SLC4A4: variants seen among roughly 807,000 people sequenced by gnomAD.
SLC4A4 encodes the protein solute carrier family 4 member 4, also known as electrogenic sodium bicarbonate cotransporter 1.
In SLC4A4, 27 loss-of-function variants were observed where a neutral mutation model predicts 111.5. The observed-to-expected ratio is 0.24, with a 90% CI of 0.18 to 0.33. The LOEUF (loss-of-function observed/expected upper bound fraction) is 0.33, where lower values mean the gene tolerates loss of function less well. Among genes scored for constraint, SLC4A4 ranks in the 10% least tolerant of loss-of-function variants. The pLI is 1.00. For missense variants in SLC4A4, 909 were observed against 1,315.5 expected, an observed-to-expected ratio of 0.69 and a Z score of 4.78; for synonymous variants, 443 against 463.4, an observed-to-expected ratio of 0.96 and a Z score of 0.57.
At chr4:71,548,688 G>A (rs1341291612) in intron 20 of SLC4A4, among the ~76,000 whole-genome samples, 2 of 151,616 alleles carry the variant, frequency 1.3e-5, no homozygotes, top group African/African-American at 4.8e-5. Flanking sequence ...TAATTTTAAA[G>A]GCTTTTAAAA....
intron 2 of SLC4A4, among the ~76,000 whole-genome samples, chr4:71,119,249 C>T (rs748422826): frequency 5.9e-5 from 9 of 152,192 alleles, no homozygotes; most frequent in Non-Finnish European, 1.3e-4. Flanking sequence ...AAATATATCC[C>T]ACTATTTTCT....
rs919110915 is a variant in SLC4A4 at position 71,330,788 on chromosome 4, T to A, written c.254-8582T>A. ...ACAGCAAAAGAAACTACCATCAGAG[T>A]GAACAGGCAACCTACAGAATGGGAG... On this transcript the variant is annotated intron_variant, in intron 3 of 25. Coordinates refer to ENST00000264485, the MANE Select transcript of SLC4A4 (RefSeq NM_001098484.3). Among the ~76,000 whole-genome samples the A allele has an allele frequency of 4.0e-5, 6 of 151,566 alleles. 1 individual carries two copies. The highest frequency in any genetic ancestry group is 3.9e-4 in the Admixed American group (6 of 15,250).
chr4:71,527,403 G>C (rs117642717), intron 16 of SLC4A4, among the ~76,000 whole-genome samples: 3 of 152,062 alleles, frequency 2.0e-5, no homozygotes, highest in Non-Finnish European at 4.4e-5. Flanking sequence ...AGTATATTCC[G>C]AAGTTTTAGG....
chr4:71,131,334 C>A (rs1197045047), intron 2 of SLC4A4, among the ~76,000 whole-genome samples: 1 of 152,166 alleles, frequency 6.6e-6, no homozygotes, highest in Non-Finnish European at 1.5e-5. Context: ...CAGCAGAGGT[C>A]CTCCTTGCTC....
At chr4:71,254,522 C>T (rs751781564) in intron 2 of SLC4A4, among the ~76,000 whole-genome samples, 22 of 152,152 alleles carry the variant, frequency 1.4e-4, no homozygotes, top group Middle Eastern at 3.4e-3. Flanking sequence ...ATGAGAATGG[C>T]ACTGTAGCTG....
At chr4:71,554,951 C>T (rs1736345946) in intron 20 of SLC4A4, among the ~76,000 whole-genome samples, 189 bp from the exon 21 acceptor site, 1 of 151,752 alleles carries the variant, frequency 6.6e-6, no homozygotes, top group South Asian at 2.1e-4. Context: ...TTATACCCTT[C>T]TTCATTTATT....
intron 7 of SLC4A4, chr4:71,434,374 A>G (rs912235355): frequency 5.7e-6 from 1 of 176,072 alleles, no homozygotes; most frequent in African/African-American, 2.4e-5. Flanking sequence ...ACAACAAAAA[A>G]AACCCTTCAG....
intron 3 of SLC4A4, among the ~76,000 whole-genome samples, chr4:71,272,945 C>A (rs1360963035): frequency 3.3e-5 from 5 of 152,080 alleles, no homozygotes; most frequent in African/African-American, 1.2e-4. Flanking sequence ...TAGAATGGTT[C>A]TTTTTGACAG....
intron 16 of SLC4A4, among the ~76,000 whole-genome samples, chr4:71,500,202 T>C (rs1192588650): frequency 6.6e-6 from 1 of 152,238 alleles, no homozygotes; most frequent in Non-Finnish European, 1.5e-5. Context: ...TTTTCATTTA[T>C]CTTTTGGCCA....
At chr4:71,334,059 C>T (rs959825553) in intron 3 of SLC4A4, among the ~76,000 whole-genome samples, 2 of 152,058 alleles carry the variant, frequency 1.3e-5, no homozygotes, top group African/African-American at 4.8e-5. Flanking sequence ...CTTCATTCTT[C>T]CCTCTCCTTT....
intron 3 of SLC4A4, among the ~76,000 whole-genome samples, chr4:71,335,008 G>A (rs1200882379): frequency 6.6e-6 from 1 of 152,122 alleles, no homozygotes. Flanking sequence ...CCTTCTAGAA[G>A]CTAATTCTAT....
chr4:71,334,498 T>C (rs1401583616), intron 3 of SLC4A4, among the ~76,000 whole-genome samples: 1 of 152,150 alleles, frequency 6.6e-6, no homozygotes, highest in African/African-American at 2.4e-5. Context: ...GCAAGCACTT[T>C]CTTGGCTTCC....
chr4:71,222,576 A>T (rs778892158), intron 1 of SLC4A4, among the ~76,000 whole-genome samples: 2 of 152,254 alleles, frequency 1.3e-5, no homozygotes, highest in Non-Finnish European at 2.9e-5. Context: ...AATAAATTGA[A>T]TAAATGAATG....
intron 2 of SLC4A4, among the ~76,000 whole-genome samples, chr4:71,240,844 CGTG>C (rs1720153217): frequency 6.6e-6 from 1 of 151,942 alleles, no homozygotes; most frequent in African/African-American, 2.4e-5. Flanking sequence ...CAAAGCCTGA[CGTG>C]GTGGTCATGC....
chr4:71,146,422 C>G (rs1744172207), intron 2 of SLC4A4, among the ~76,000 whole-genome samples: 1 of 152,144 alleles, frequency 6.6e-6, no homozygotes, highest in African/African-American at 2.4e-5. Flanking sequence ...AATGTATATT[C>G]TGTTGATTTG....
chr4:71,472,967 C>T lies in SLC4A4; in HGVS notation c.1900C>T (p.Pro634Ser), dbSNP rs150863118. The T allele has an allele frequency of 9.3e-5, 150 of 1,612,708 alleles. 1 individual carries two copies. In the African/African-American group the frequency reaches 1.7e-3, roughly 18 times the overall value. ...TTCCTGTACCTGTGTGCCACCTGAC[C>T]CAGGTGAGGGCATTACGCTTTGTGT... ...LFSCTCVPPD[P>S]ANISISNDTT... The change falls in exon 14 of 26, where the codon CCA (proline) becomes TCA (serine). Residue 634 changes from proline to serine, a missense_variant. Transcript: ENST00000264485.
chr4:71,380,182 C>A (rs1458039108), intron 6 of SLC4A4, among the ~76,000 whole-genome samples: 1 of 152,144 alleles, frequency 6.6e-6, no homozygotes, highest in East Asian at 1.9e-4. Flanking sequence ...GAATTAGATT[C>A]TTTGGTTAGG....
In SLC4A4 at chr4:71,229,472, G is replaced by A. The variant is rs199924827; in HGVS notation, c.-1-7104G>A. Among the ~76,000 whole-genome samples, 11 of 152,228 alleles carry A rather than the reference G, an allele frequency of 7.2e-5. No homozygotes were observed. The East Asian group carries it at 9.7e-4, about 13-fold the overall frequency. ...TCATAAATCCAGAATTAGATTTGGC[G>A]TGATCTTGCTCTGGGTTGCATTTTC... is the stretch of plus-strand genomic sequence containing the variant. On this transcript the variant is annotated intron_variant, in intron 1 of 25. Coordinates refer to ENST00000264485, the MANE Select transcript of SLC4A4 (RefSeq NM_001098484.3).
intron 3 of SLC4A4, among the ~76,000 whole-genome samples, chr4:71,336,923 A>G (rs1040636503): frequency 2.6e-5 from 4 of 152,146 alleles, no homozygotes; most frequent in South Asian, 2.1e-4. Context: ...GTTTGTGTAC[A>G]TTGCCTTCAT....
Sources: allele counts gnomAD v4.1 joint callset (sites outside exome capture counted in the v4.1 genomes callset), GRCh38; gene constraint gnomAD v4.1.1; transcripts MANE v1.5; gene names NCBI Gene and HGNC (gene_info 2026-07-23, HGNC 2026-07-21).